Variants in ANK3 observed in about 807,000 individuals in gnomAD.
The protein encoded by ANK3 is ankyrin-3.
ANK3 carries 57 observed loss-of-function variants against 370.9 expected under a neutral mutation model. The observed-to-expected ratio is 0.15, with a 90% confidence interval of 0.12 to 0.19. The LOEUF is 0.19. ANK3 is among the 10% of genes least tolerant of loss of function. The probability of loss-of-function intolerance (pLI) is 1.00; values close to 1 mark genes in which losing one functional copy is unlikely to be tolerated. For synonymous variants in ANK3, 1,929 were observed against 1,946.3 expected (o/e 0.99, Z 0.23); for missense variants, 4,439 against 5,302.1 (o/e 0.84, Z 5.06).
At chr10:60,498,908 C>T (rs1318482010) in intron 2 of ANK3, among the ~76,000 whole-genome samples, 1 of 152,188 alleles carries the variant, frequency 6.6e-6, no homozygotes, top group African/African-American at 2.4e-5. Context: ...AAGTCCTTCA[C>T]ACTAATTCAA....
intron 1 of ANK3, among the ~76,000 whole-genome samples, chr10:60,647,129 C>T (rs1165045147): frequency 6.6e-6 from 1 of 152,140 alleles, no homozygotes; most frequent in Non-Finnish European, 1.5e-5. Context: ...GTGCCCGGCA[C>T]TGTGCTGAGC....
intron 35 of ANK3, 153 bp downstream of exon 35, chr10:60,081,997 C>T: frequency 6.1e-6 from 3 of 489,528 alleles, no homozygotes; most frequent in South Asian, 8.7e-5. Context: ...GAAGAGTGAA[C>T]CATTTAAGAA....
At chr10:60,571,751 C>T (rs1432496241) in intron 2 of ANK3, among the ~76,000 whole-genome samples, 3 of 152,074 alleles carry the variant, frequency 2.0e-5, no homozygotes, top group African/African-American at 4.8e-5. Context: ...TATCTTTTTT[C>T]CCCATTTCAA....
intron 1 of ANK3, among the ~76,000 whole-genome samples, chr10:60,659,794 G>A (rs2078912694): frequency 6.6e-6 from 1 of 151,980 alleles, no homozygotes; most frequent in South Asian, 2.1e-4. Context: ...TCTACACAAA[G>A]GCAAATTAAG....
chr10:60,461,484 C>A (rs545904463), intron 2 of ANK3, among the ~76,000 whole-genome samples: 1 of 152,214 alleles, frequency 6.6e-6, no homozygotes, highest in African/African-American at 2.4e-5. Context: ...ATAGGTACAT[C>A]AACAAGCAGG....
intron 1 of ANK3, among the ~76,000 whole-genome samples, chr10:60,642,205 A>G (rs1217043552): frequency 6.6e-6 from 1 of 151,480 alleles, no homozygotes; most frequent in Non-Finnish European, 1.5e-5. Context: ...TAGTTCAACC[A>G]TTGTGGAAGT....
chr10:60,714,423 G>A (rs908853178), intron 1 of ANK3, among the ~76,000 whole-genome samples: 6 of 152,126 alleles, frequency 3.9e-5, no homozygotes, highest in African/African-American at 9.6e-5. Context: ...ACCAAAACTA[G>A]ACAAAGACAT....
chr10:60,502,473 A>G lies in ANK3; in HGVS notation c.96+112713T>C, dbSNP rs72807941. ...GCACGAACTATATAATCGTTGCCAA[A>G]GCTCAATGACGTATCTATGTAAAAC... On this transcript the variant is annotated intron_variant, in intron 2 of 43. Coordinates refer to the ANK3 transcript ENST00000373827. Among the ~76,000 whole-genome samples, 414 of 152,338 alleles carry G rather than the reference A, an allele frequency of 2.7e-3. 1 individual carries two copies. Among genetic ancestry groups the G allele is most frequent in the Middle Eastern group, 3.4e-3 (1 of 294 alleles).
intron 35 of ANK3, among the ~76,000 whole-genome samples, chr10:60,081,192 A>T (rs1384568395): frequency 2.0e-5 from 3 of 152,068 alleles, no homozygotes; most frequent in Non-Finnish European, 4.4e-5. Context: ...GGATCAAGCA[A>T]TTCTGCCTCA....
chr10:60,411,097 G>A (rs985507166), intron 2 of ANK3, among the ~76,000 whole-genome samples: 6 of 152,138 alleles, frequency 3.9e-5, no homozygotes, highest in African/African-American at 9.7e-5. Flanking sequence ...GCTGGAAGGC[G>A]CTTGGTTTCC....
chr10:60,588,166 A>ATTATTG (rs1255272491), intron 2 of ANK3, among the ~76,000 whole-genome samples: 7 of 51,866 alleles, frequency 1.3e-4, no homozygotes, highest in African/African-American at 4.3e-4. Context: ...AGTTTTTATT[A>ATTATTG]TTATTATTAT....
intron 23 of ANK3, among the ~76,000 whole-genome samples, chr10:60,153,561 G>C (rs1263014630): frequency 2.0e-5 from 3 of 151,984 alleles, no homozygotes; most frequent in African/African-American, 7.3e-5. Context: ...ATTTTCAAGG[G>C]GTATGTTTAG....
intron 12 of ANK3, 48 bp downstream of exon 12, chr10:60,202,954 G>A: frequency 7.3e-7 from 1 of 1,369,660 alleles, no homozygotes; most frequent in Non-Finnish European, 1.0e-6. Context: ...ACCTTTGCCA[G>A]TTTATTAAAT....
intron 18 of ANK3, among the ~76,000 whole-genome samples, chr10:60,179,573 T>TA (rs1483756452): frequency 6.6e-6 from 1 of 152,052 alleles, no homozygotes. Flanking sequence ...CATGTGCCTG[T>TA]AGTCCCAGCT....
intron 18 of ANK3, among the ~76,000 whole-genome samples, chr10:60,176,114 C>T (rs1270255828): frequency 4.7e-5 from 7 of 149,780 alleles, no homozygotes; most frequent in African/African-American, 1.7e-4. Flanking sequence ...GGGCAGATCA[C>T]TTGAGGCCAG....
intron 2 of ANK3, among the ~76,000 whole-genome samples, chr10:60,479,349 T>C: frequency 6.6e-6 from 1 of 152,120 alleles, no homozygotes; most frequent in East Asian, 1.9e-4. Flanking sequence ...TACAGTAACA[T>C]GCTGCACAGG....
chr10:60,058,250 C>G (rs1439734179), intron 41 of ANK3, among the ~76,000 whole-genome samples: 1 of 152,170 alleles, frequency 6.6e-6, no homozygotes. Context: ...CATCCCAAAT[C>G]ACAAACTACA....
At chr10:60,166,497 TAGTA>T in intron 23 of ANK3, 90 bp downstream of exon 23, 1 of 936,132 alleles carries the variant, frequency 1.1e-6, no homozygotes, top group Non-Finnish European at 1.7e-6. Flanking sequence ...TATGAAAAGT[TAGTA>T]ACTCAAGGAA....
In ANK3 at chr10:60,362,982, T is replaced by C. The variant is rs140462731; in HGVS notation, c.114+26443A>G. On this transcript the variant is annotated intron_variant, in intron 1 of 43. Transcript: ENST00000280772. Reference sequence around the variant, plus strand: ...AGATGACTTGTTCTCTGTTCATCCATTGGATATTCCCAAGCCGTTTTCTTT... The same window carrying C: ...AGATGACTTGTTCTCTGTTCATCCACTGGATATTCCCAAGCCGTTTTCTTT... Among the ~76,000 whole-genome samples the C allele has an allele frequency of 5.3e-4, 81 of 151,888 alleles. 1 individual carries two copies. Among genetic ancestry groups the C allele is most frequent in the African/African-American group, 1.8e-3 (74 of 41,426 alleles).
Sources: allele counts gnomAD v4.1 joint callset (sites outside exome capture counted in the v4.1 genomes callset), GRCh38; gene constraint gnomAD v4.1.1; transcripts MANE v1.5; gene names NCBI Gene and HGNC (gene_info 2026-07-23, HGNC 2026-07-21).